Variants in SNF8 observed in about 807,000 individuals in gnomAD.
The protein encoded by SNF8 is SNF8 subunit of ESCRT-II, also known as vacuolar-sorting protein SNF8.
A neutral mutation model predicts 36.8 loss-of-function variants in SNF8; 19 were observed. That is an observed-to-expected ratio of 0.52 (90% CI 0.36 to 0.76). The LOEUF (loss-of-function observed/expected upper bound fraction) is 0.76, where lower values mean the gene tolerates loss of function less well. Among genes scored for constraint, SNF8 ranks in the 30% least tolerant of loss-of-function variants. The pLI, the probability that SNF8 is intolerant of heterozygous loss-of-function variation, is 0.00. For synonymous variants in SNF8, 127 were observed against 127.4 expected, an observed-to-expected ratio of 1.00 and a Z score of 0.02; for missense variants, 268 against 322.9, an observed-to-expected ratio of 0.83 and a Z score of 1.30.
Position 48,937,090 on chromosome 17 carries a change from C to G in SNF8, c.279G>C (p.Val93=), listed in dbSNP as rs762091985. 1 of 1,614,046 alleles carries G rather than the reference C, an allele frequency of 6.2e-7. No individual in the cohort carries two copies. Among genetic ancestry groups the G allele is most frequent in the African/African-American group, 1.3e-5 (1 of 74,928 alleles). ...GKGFWSEMLG[V]GDFYYELGVQ... ...CACCTAGTTCGTAATAGAAGTCCCC[C>G]ACGCCCAGCATCTCAGACCAAAATC... The change falls in exon 4 of 8, where the codon GTG becomes GTC. Residue 93 remains valine (V), a synonymous_variant. Transcript: ENST00000502492.
intron 3 of SNF8, among the ~76,000 whole-genome samples, chr17:48,940,190 GC>G (rs1226748452): frequency 6.6e-6 from 1 of 150,818 alleles, no homozygotes; most frequent in Non-Finnish European, 1.5e-5. Flanking sequence ...ATAGACACAT[GC>G]CACCACACCT....
intron 3 of SNF8, among the ~76,000 whole-genome samples, chr17:48,937,467 A>AT (rs75245975): frequency 0.41 from 62,420 of 151,792 alleles, 15,365 homozygotes; most frequent in East Asian, 0.71. Context: ...ATCTCTAATA[A>AT]TAATAATAAT....
At chr17:48,938,950 T>C (rs937093562) in intron 3 of SNF8, among the ~76,000 whole-genome samples, 1 of 151,620 alleles carries the variant, frequency 6.6e-6, no homozygotes, top group African/African-American at 2.4e-5. Context: ...TTGTTATTCA[T>C]TGTTTGAGAT....
At chr17:48,933,808 G>A (rs1309103166) in intron 5 of SNF8, among the ~76,000 whole-genome samples, 1 of 152,196 alleles carries the variant, frequency 6.6e-6, no homozygotes, top group Non-Finnish European at 1.5e-5. Flanking sequence ...AGTGATGCTT[G>A]GACAATCATG....
chr17:48,940,880 A>T (rs1268411571), intron 3 of SNF8, 44 bp downstream of exon 3: 2 of 1,597,162 alleles, frequency 1.3e-6, no homozygotes. Context: ...TCTGTTCCTC[A>T]GGTACTCTAT....
At chr17:48,944,651 A>G (rs2041077858) in intron 1 of SNF8, 30 bp downstream of exon 1, 9 of 1,608,582 alleles carry the variant, frequency 5.6e-6, no homozygotes, top group Non-Finnish European at 7.7e-6. Flanking sequence ...GGTCAGGGGC[A>G]GGTTGTGGGT....
Position 48,936,206 on chromosome 17 carries a change from A to G in SNF8, c.386T>C (p.Leu129Ser), listed in dbSNP as rs779898256. Residue 129 changes from leucine to serine, a missense_variant, in exon 5 of 8, where the codon TTG (leucine) becomes TCG (serine). Physicochemically the swap from Leu to Ser is moderately radical, Grantham distance 145. Transcript: ENST00000502492. ...ITLEELHQQV[L>S]KGRGKFAQDV... ...CTGGGCGAACTTGCCCCTTCCCTTC[A>G]ACACCTGTTGATGTAGTTCCTCCAA... 9 of 1,614,106 alleles carry G rather than the reference A, an allele frequency of 5.6e-6. No homozygotes were observed. Among genetic ancestry groups the G allele is most frequent in the Non-Finnish European group, 7.6e-6 (9 of 1,179,964 alleles).
chr17:48,940,085 A>AAAG lies in SNF8; in HGVS notation c.244+838_244+839insCTT, dbSNP rs1385773879. 2.6e-5 allele frequency among the ~76,000 whole-genome samples: 4 copies of AAAG among 151,004 alleles called. 1 individual carries two copies. Among genetic ancestry groups the AAAG allele is most frequent in the Non-Finnish European group, 5.9e-5 (4 of 67,780 alleles). On this transcript the variant is annotated intron_variant, in intron 3 of 7. Transcript: ENST00000502492. ...GCAAGACTGTCTCAAAAAAAAAAAAAAAAAAAAATTTTTTTTTTAAACAAG... is the reference window on the plus strand; with the variant it reads ...GCAAGACTGTCTCAAAAAAAAAAAAAAAGAAAAAAAATTTTTTTTTTAAACAAG...
intron 1 of SNF8, 26 bp from the exon 2 acceptor site, chr17:48,944,001 G>A (rs763621990): frequency 2.5e-6 from 4 of 1,612,130 alleles, no homozygotes; most frequent in Admixed American, 1.7e-5. Flanking sequence ...ACCAGCATAA[G>A]TTAAGAGAGT....
At chr17:48,932,997 A>G (rs964682981) in intron 6 of SNF8, 1 of 465,038 alleles carries the variant, frequency 2.2e-6, no homozygotes, top group Non-Finnish European at 3.8e-6. Flanking sequence ...GAATTTTATC[A>G]TCTTTATATG....
rs755759210 is a variant in SNF8, at chr17:48,931,664, G to A, written c.618C>T (p.Thr206=). The A allele has an allele frequency of 2.2e-5, 36 of 1,613,110 alleles. No homozygotes were observed. Among genetic ancestry groups the A allele is most frequent in the South Asian group, 1.1e-4 (10 of 90,860 alleles). The change falls in exon 7 of 8, where the codon ACC becomes ACT. Residue 206 remains threonine (T), a synonymous_variant. Transcript: ENST00000502492. ...ATACCAGCACTTGCCGCGCTCGCTCGGTCTCCCATTTAAGACTGGCTTTGA... is the reference window on the plus strand; with the variant it reads ...ATACCAGCACTTGCCGCGCTCGCTCAGTCTCCCATTTAAGACTGGCTTTGA... The part of the protein sequence containing the change: ...SEIKASLKWE[T]ERARQVLEHL...
Position 48,929,433 on chromosome 17 carries a change from C to T in SNF8, c.*1042G>A, listed in dbSNP as rs929859393. On this transcript the variant is annotated 3_prime_UTR_variant, in exon 8 of 8. Transcript: ENST00000502492. ...AAAAACCATTGAGTTTTCAGATTTCCAGTACTAAACTAGCACTTTTAGGAT... is the reference window on the plus strand; with the variant it reads ...AAAAACCATTGAGTTTTCAGATTTCTAGTACTAAACTAGCACTTTTAGGAT... The T allele has an allele frequency of 6.6e-6, 1 of 152,158 alleles. No individual in the cohort carries two copies. The highest frequency in any genetic ancestry group is 2.4e-5 in the African/African-American group (1 of 41,430). 9.4% of individuals were successfully genotyped at this position (152,158 alleles called of 1,614,324 possible).
chr17:48,937,057 A>C lies in SNF8; in HGVS notation c.312T>G (p.Ile104Met), dbSNP rs746422678. Residue 104 changes from isoleucine to methionine, a missense_variant, in exon 4 of 8, where the codon ATT becomes ATG. Coordinates refer to ENST00000502492, the MANE Select transcript of SNF8 (RefSeq NM_007241.4). ...GCTTCAGCGCCAGGCACACTTCGAT[A>C]ATTTGGACACCTAGTTCGTAATAGA... ...GDFYYELGVQ[I>M]IEVCLALKHR... 3 of 1,614,146 alleles carry C rather than the reference A, an allele frequency of 1.9e-6. No individual in the cohort carries two copies. The highest frequency in any genetic ancestry group is 2.5e-6 in the Non-Finnish European group (3 of 1,180,004).
At chr17:48,936,925 G>A in intron 4 of SNF8, 95 bp downstream of exon 4, 1 of 901,750 alleles carries the variant, frequency 1.1e-6, no homozygotes, top group Non-Finnish European at 1.9e-6. Context: ...GTCCTTAGAG[G>A]CCTGTAGACT....
chr17:48,930,912 C>G (rs550167391), intron 7 of SNF8, among the ~76,000 whole-genome samples: 2 of 152,298 alleles, frequency 1.3e-5, no homozygotes, highest in African/African-American at 4.8e-5. Flanking sequence ...TGGCCTTCAG[C>G]AAATCACTGC....
Position 48,929,511 on chromosome 17 carries a change from TC to T in SNF8, c.*963del, listed in dbSNP as rs2040825089. The T allele has an allele frequency of 6.6e-6, 1 of 152,148 alleles. No homozygotes were observed. The highest frequency in any genetic ancestry group is 2.4e-5 in the African/African-American group (1 of 41,420). The allele number at this position is 152,148 out of a possible 1,614,324, so 9.4% of individuals were successfully genotyped here. A position where few individuals can be genotyped will look rare whatever the true frequency, so the allele number is the denominator to read the frequency against. On this transcript the variant is annotated 3_prime_UTR_variant, in exon 8 of 8. Transcript: ENST00000502492. ...GGAGCCTTAAACAACTCTGGCCTCT[TC>T]CCTCATCACCACTTCTACTTGCTAT...
At position 48,933,351 on chromosome 17, in the gene SNF8, G is replaced by A. The variant is rs2040887681; in HGVS notation, c.423-5C>T. ...ATGGCTCTGATCAGGTCATCTCTGA[G>A]GTAAGGAAGAGTTGCTTAACGACCC... On this transcript the variant is annotated splice_region_variant and splice_polypyrimidine_tract_variant and intron_variant, in intron 5 of 7. Transcript: ENST00000502492. The A allele has an allele frequency of 1.9e-6, 3 of 1,614,122 alleles. No individual in the cohort carries two copies. Among genetic ancestry groups the A allele is most frequent in the African/African-American group, 1.3e-5 (1 of 75,040 alleles).
In SNF8 at chr17:48,944,773, CCCGGGTCT is replaced by C; in HGVS notation, c.-47_-40del. ...CCGCGGGCCGCCCGGCTGCCGGGACCCCGGGTCTCCACGTCCCGGACTCCGCCGCCGGC... is the reference window on the plus strand; with the variant it reads ...CCGCGGGCCGCCCGGCTGCCGGGACCCCACGTCCCGGACTCCGCCGCCGGC... On this transcript the variant is annotated 5_prime_UTR_variant, in exon 1 of 8. Coordinates refer to ENST00000502492, the MANE Select transcript of SNF8 (RefSeq NM_007241.4). 6.3e-7 allele frequency: 1 copy of C among 1,577,998 alleles called. No homozygotes were observed. The highest frequency in any genetic ancestry group is 2.4e-5 in the East Asian group (1 of 41,860).
chr17:48,933,413 T>A, intron 5 of SNF8, 67 bp from the exon 6 acceptor site: 1 of 1,575,046 alleles, frequency 6.3e-7, no homozygotes, highest in Non-Finnish European at 8.7e-7. Context: ...GTTTCAGCTC[T>A]GCCCTGGGCA....
Sources: gnomAD v4.1 joint callset for allele counts (sites outside exome capture counted in the v4.1 genomes callset) on GRCh38, gnomAD v4.1.1 for gene constraint, MANE v1.5 for transcripts, NCBI Gene and HGNC (gene_info 2026-07-23, HGNC 2026-07-21) for gene names.